The following FHOD3 variants were observed in gnomAD, a reference collection of about 807,000 sequenced individuals.
The protein encoded by FHOD3 is FH1/FH2 domain-containing protein 3.
In FHOD3, 90 loss-of-function variants were observed where a neutral mutation model predicts 173.0. The observed-to-expected ratio is 0.52, with a 90% CI of 0.44 to 0.62. The LOEUF (loss-of-function observed/expected upper bound fraction) is 0.62, where lower values mean the gene tolerates loss of function less well. Ranked by LOEUF, FHOD3 falls within the 20% of genes least tolerant of loss-of-function variation. The pLI is 0.00. For synonymous variants in FHOD3, 828 were observed against 823.0 expected (o/e 1.01, Z -0.10); for missense variants, 1,945 against 2,034.7 (o/e 0.96, Z 0.85).
rs557396159 is a variant in FHOD3, at chr18:36,543,659, A to T, written c.511+31116A>T. Among the ~76,000 whole-genome samples, 15 of 152,214 alleles carry T rather than the reference A, an allele frequency of 9.9e-5. No homozygotes were observed. In the South Asian group the frequency reaches 2.3e-3, roughly 23 times the overall value. On this transcript the variant is annotated intron_variant, in intron 5 of 28. Coordinates refer to ENST00000590592, the MANE Select transcript of FHOD3 (RefSeq NM_001281740.3). ...CCAGGATCCCTGTCACCCACTGGGGATGTGAGGTAGAGGAGCAAGCCCCGC... is the reference window on the plus strand; with the variant it reads ...CCAGGATCCCTGTCACCCACTGGGGTTGTGAGGTAGAGGAGCAAGCCCCGC...
At chr18:36,317,831 G>A (rs1210200702) in intron 1 of FHOD3, among the ~76,000 whole-genome samples, 1 of 152,092 alleles carries the variant, frequency 6.6e-6, no homozygotes, top group African/African-American at 2.4e-5. Flanking sequence ...TATTGCCTAG[G>A]TTTTCTTCTA....
chr18:36,773,543 G>A (rs1393598040), intron 28 of FHOD3, among the ~76,000 whole-genome samples: 5 of 152,174 alleles, frequency 3.3e-5, no homozygotes, highest in Non-Finnish European at 5.9e-5. Context: ...GGCCCTTACC[G>A]TGTATCAGTT....
chr18:36,346,694 G>A (rs966260146), intron 1 of FHOD3, among the ~76,000 whole-genome samples: 8 of 152,030 alleles, frequency 5.3e-5, no homozygotes, highest in African/African-American at 1.2e-4. Flanking sequence ...TGATCCTGGC[G>A]GTGGCTTCTC....
chr18:36,354,567 C>T (rs1372787053), intron 1 of FHOD3, among the ~76,000 whole-genome samples: 6 of 152,016 alleles, frequency 3.9e-5, no homozygotes, highest in African/African-American at 7.2e-5. Flanking sequence ...TTTGGGAGGC[C>T]GAGGCGGGTG....
chr18:36,343,061 T>C (rs1279122700), intron 1 of FHOD3, among the ~76,000 whole-genome samples: 1 of 152,214 alleles, frequency 6.6e-6, no homozygotes, highest in African/African-American at 2.4e-5. Context: ...ACTTCAAACA[T>C]TGCTGGTGGG....
chr18:36,396,895 A>C (rs1306070835), intron 3 of FHOD3, among the ~76,000 whole-genome samples: 1 of 152,030 alleles, frequency 6.6e-6, no homozygotes. Flanking sequence ...TTAACTTCAC[A>C]GACATCTATT....
At chr18:36,357,907 G>A (rs1390828261) in intron 2 of FHOD3, among the ~76,000 whole-genome samples, 2 of 152,058 alleles carry the variant, frequency 1.3e-5, no homozygotes, top group African/African-American at 4.8e-5. Flanking sequence ...GGAGATGACA[G>A]CTCAGAAAAA....
chr18:36,658,276 T>A, intron 14 of FHOD3, 88 bp downstream of exon 14: 1 of 831,224 alleles, frequency 1.2e-6, no homozygotes, highest in Non-Finnish European at 1.9e-6. Flanking sequence ...AAAATATAAA[T>A]AAAAGACATA....
intron 7 of FHOD3, among the ~76,000 whole-genome samples, chr18:36,600,285 AC>A (rs2148453542): frequency 6.6e-6 from 1 of 151,634 alleles, no homozygotes; most frequent in Non-Finnish European, 1.5e-5. Flanking sequence ...ACACACACAC[AC>A]ACATATGCAC....
intron 3 of FHOD3, among the ~76,000 whole-genome samples, chr18:36,444,544 TC>T: frequency 6.6e-6 from 1 of 152,280 alleles, no homozygotes; most frequent in African/African-American, 2.4e-5. Flanking sequence ...TCTTTCTTTC[TC>T]CCCCTCTTCT....
intron 7 of FHOD3, among the ~76,000 whole-genome samples, chr18:36,599,949 A>AC (rs2031103427): frequency 1.5e-5 from 2 of 134,506 alleles, no homozygotes; most frequent in Admixed American, 1.7e-4. Flanking sequence ...CAGAACCTGT[A>AC]CTCCAGTGTT....
intron 3 of FHOD3, among the ~76,000 whole-genome samples, chr18:36,498,262 G>T (rs1244203549): frequency 6.6e-6 from 1 of 151,958 alleles, no homozygotes; most frequent in Non-Finnish European, 1.5e-5. Flanking sequence ...AAACAAGACG[G>T]GTCTCAAATC....
At chr18:36,760,429 A>T (rs1288431054) in intron 26 of FHOD3, among the ~76,000 whole-genome samples, 179 bp from the exon 27 acceptor site, 1 of 152,104 alleles carries the variant, frequency 6.6e-6, no homozygotes, top group African/African-American at 2.4e-5. Context: ...CTCATATTAG[A>T]TCTTCTTGTA....
chr18:36,484,872 G>A (rs866714657), intron 3 of FHOD3, among the ~76,000 whole-genome samples: 1 of 152,188 alleles, frequency 6.6e-6, no homozygotes, highest in Non-Finnish European at 1.5e-5. Context: ...ACTCACTGGG[G>A]CAGTGAAGGC....
At chr18:36,506,990 C>T (rs1900711368) in intron 4 of FHOD3, among the ~76,000 whole-genome samples, 1 of 152,198 alleles carries the variant, frequency 6.6e-6, no homozygotes, top group Admixed American at 6.5e-5. Flanking sequence ...AATCAAAACA[C>T]AACATTGTAG....
chr18:36,313,274 A>G (rs1568108656), intron 1 of FHOD3, among the ~76,000 whole-genome samples: 1 of 152,208 alleles, frequency 6.6e-6, no homozygotes, highest in Admixed American at 6.5e-5. Context: ...ATTGCCAAAG[A>G]ATTTGTGAAC....
intron 26 of FHOD3, 110 bp downstream of exon 26, chr18:36,759,251 C>A: frequency 8.4e-7 from 1 of 1,194,698 alleles, no homozygotes; most frequent in Non-Finnish European, 1.2e-6. Context: ...GTGCTTTAAA[C>A]AATGCATGGA....
chr18:36,331,326 C>T (rs1373093104), intron 1 of FHOD3, among the ~76,000 whole-genome samples: 3 of 152,180 alleles, frequency 2.0e-5, no homozygotes, highest in African/African-American at 7.2e-5. Flanking sequence ...AGAAAGTGCA[C>T]TAGAAGTGAG....
chr18:36,691,297 G>A (rs567826837), intron 16 of FHOD3, among the ~76,000 whole-genome samples: 1 of 152,214 alleles, frequency 6.6e-6, no homozygotes, highest in African/African-American at 2.4e-5. Flanking sequence ...TTGATTTCTT[G>A]CAGTGGGATT....
Sources: allele counts gnomAD v4.1 joint callset (sites outside exome capture counted in the v4.1 genomes callset), GRCh38; gene constraint gnomAD v4.1.1; transcripts MANE v1.5; gene names NCBI Gene and HGNC (gene_info 2026-07-23, HGNC 2026-07-21).